The following GRB10 variants were observed in gnomAD, a reference collection of about 807,000 sequenced individuals.
The protein encoded by GRB10 is growth factor receptor bound protein 10.
In GRB10, 20 loss-of-function variants were observed where a neutral mutation model predicts 80.9. The observed-to-expected ratio is 0.25, with a 90% CI of 0.17 to 0.36. The LOEUF is 0.36. Among genes scored for constraint, GRB10 ranks in the 10% least tolerant of loss-of-function variants. GRB10 has a pLI of 1.00. For synonymous variants in GRB10, 291 were observed against 291.5 expected (o/e 1.00, Z 0.02); for missense variants, 548 against 747.7 (o/e 0.73, Z 3.12).
intron 13 of GRB10, among the ~76,000 whole-genome samples, chr7:50,607,550 T>C (rs1460400942): frequency 6.6e-6 from 1 of 152,250 alleles, no homozygotes; most frequent in Non-Finnish European, 1.5e-5. Flanking sequence ...GCTCAATATG[T>C]CTAAGACACT....
At position 50,607,457 on chromosome 7, in the gene GRB10, G is replaced by A. The variant is rs62447513; in HGVS notation, c.1195-1043C>T. Among the ~76,000 whole-genome samples, 478 of 152,342 alleles carry A rather than the reference G, an allele frequency of 3.1e-3. 3 individuals carry two copies. The highest frequency in any genetic ancestry group is 5.6e-3 in the Non-Finnish European group (378 of 68,028). Reference sequence around the variant, plus strand: ...GCTACTGTGGCCCCTCAGGAGGGAAGAGCTGACTGGTTTTGGAATAAGCGG... The same window carrying A: ...GCTACTGTGGCCCCTCAGGAGGGAAAAGCTGACTGGTTTTGGAATAAGCGG... On this transcript the variant is annotated intron_variant, in intron 13 of 18. Coordinates refer to ENST00000401949, the MANE Select transcript of GRB10 (RefSeq NM_001350814.2).
At chr7:50,641,986 T>C (rs1209343448) in intron 7 of GRB10, among the ~76,000 whole-genome samples, 1 of 151,780 alleles carries the variant, frequency 6.6e-6, no homozygotes, top group Non-Finnish European at 1.5e-5. Context: ...GAACACGGGG[T>C]GGGGAGAAGG....
At chr7:50,606,636 A>T in intron 13 of GRB10, 1 of 571,062 alleles carries the variant, frequency 1.8e-6, no homozygotes, top group South Asian at 2.0e-5. Flanking sequence ...TGACTCCCCC[A>T]AAACTTACCT....
intron 5 of GRB10, among the ~76,000 whole-genome samples, chr7:50,675,701 T>C (rs2060852830): frequency 6.6e-6 from 1 of 152,162 alleles, no homozygotes; most frequent in South Asian, 2.1e-4. Context: ...CTCCACAGTG[T>C]CATGAGCCAA....
intron 4 of GRB10, among the ~76,000 whole-genome samples, chr7:50,714,186 AAT>A (rs1251869733): frequency 3.9e-5 from 6 of 152,234 alleles, no homozygotes; most frequent in Non-Finnish European, 8.8e-5. Flanking sequence ...AATTTGTTAG[AAT>A]AGTCAACATG....
At chr7:50,659,243 A>T (rs1438135910) in intron 7 of GRB10, among the ~76,000 whole-genome samples, 7 of 152,202 alleles carry the variant, frequency 4.6e-5, no homozygotes, top group African/African-American at 1.7e-4. Flanking sequence ...CAAATTTCCC[A>T]AACTTACTGA....
At chr7:50,651,850 T>C (rs7806107) in intron 7 of GRB10, among the ~76,000 whole-genome samples, 13,240 of 152,248 alleles carry the variant, frequency 0.087, 1,997 homozygotes, top group African/African-American at 0.3. Flanking sequence ...AGCCACTCTT[T>C]TGAAGAAGGT....
chr7:50,619,239 G>A lies in GRB10; in HGVS notation c.708C>T (p.Thr236=), dbSNP rs2051205574. 6.2e-7 allele frequency: 1 copy of A among 1,613,542 alleles called. No homozygotes were observed. Among genetic ancestry groups the A allele is most frequent in the Non-Finnish European group, 8.5e-7 (1 of 1,179,754 alleles). ...DHELVVQVES[T]MASESKFLFR... The stretch of plus-strand genomic sequence containing the variant: ...ATAGAAATTTACTCTCACTGGCCAT[G>A]GTACTCTCCACCTGGACCACCAGCT... The change falls in exon 9 of 19, where the codon ACC becomes ACT. Residue 236 remains threonine, a synonymous_variant. Coordinates refer to ENST00000401949, the MANE Select transcript of GRB10 (RefSeq NM_001350814.2).
intron 5 of GRB10, among the ~76,000 whole-genome samples, chr7:50,691,330 C>T (rs2062787421): frequency 6.6e-6 from 1 of 152,132 alleles, no homozygotes. Context: ...GAGGCCAGAG[C>T]CCACCAGTCT....
chr7:50,593,530 C>T (rs2046095379), intron 18 of GRB10, among the ~76,000 whole-genome samples: 1 of 152,120 alleles, frequency 6.6e-6, no homozygotes, highest in Admixed American at 6.5e-5. Context: ...CAGGGGTTTA[C>T]TCTGCTCCAT....
intron 4 of GRB10, chr7:50,705,330 A>G: frequency 1.0e-6 from 1 of 980,440 alleles, no homozygotes. Context: ...ATATCTGGAG[A>G]AAACAAAATA....
intron 4 of GRB10, among the ~76,000 whole-genome samples, chr7:50,731,855 G>T (rs1331981381): frequency 6.6e-6 from 1 of 152,128 alleles, no homozygotes; most frequent in Non-Finnish European, 1.5e-5. Context: ...TCCCTCACGC[G>T]TGAGCACATG....
intron 13 of GRB10, among the ~76,000 whole-genome samples, chr7:50,611,930 A>G (rs1313126778): frequency 6.6e-6 from 1 of 152,206 alleles, no homozygotes; most frequent in Non-Finnish European, 1.5e-5. Flanking sequence ...CAGCTAACTT[A>G]CAACTCACAA....
In GRB10 at chr7:50,590,481, C is replaced by T. The variant is rs2045724780; in HGVS notation, c.*2471G>A. 2 of 152,480 alleles carry T rather than the reference C, an allele frequency of 1.3e-5. No homozygotes were observed. The highest frequency in any genetic ancestry group is 4.8e-5 in the African/African-American group (2 of 41,448). The allele number at this position is 152,480 out of a possible 1,614,324, so 9.4% of individuals were successfully genotyped here. On this transcript the variant is annotated 3_prime_UTR_variant, in exon 19 of 19. Coordinates refer to ENST00000401949, the MANE Select transcript of GRB10 (RefSeq NM_001350814.2). ...TAACACCTAGTGTAACAGAGCTTAC[C>T]TATTAAACTCTAATAACCAAAGCAT...
chr7:50,654,732 C>T (rs745467844), intron 7 of GRB10, among the ~76,000 whole-genome samples: 12 of 152,154 alleles, frequency 7.9e-5, no homozygotes, highest in Non-Finnish European at 1.5e-4. Flanking sequence ...TCACCCCATT[C>T]GCTTTATCAA....
chr7:50,709,476 C>G (rs886999781), intron 4 of GRB10, among the ~76,000 whole-genome samples: 1 of 152,164 alleles, frequency 6.6e-6, no homozygotes, highest in Non-Finnish European at 1.5e-5. Context: ...ACAAATGCCC[C>G]CTGGCCTCAC....
intron 5 of GRB10, among the ~76,000 whole-genome samples, chr7:50,681,583 A>C (rs1469444466): frequency 2.0e-5 from 3 of 152,280 alleles, no homozygotes; most frequent in Non-Finnish European, 4.4e-5. Context: ...CTTACAACGC[A>C]ACAACCAGGA....
chr7:50,631,283 T>C (rs2053952341), intron 7 of GRB10, among the ~76,000 whole-genome samples: 1 of 152,012 alleles, frequency 6.6e-6, no homozygotes, highest in African/African-American at 2.4e-5. Context: ...AAATAGCAAA[T>C]GGGGCACTCT....
chr7:50,634,093 T>G (rs2054503354), intron 7 of GRB10, among the ~76,000 whole-genome samples: 1 of 152,180 alleles, frequency 6.6e-6, no homozygotes, highest in African/African-American at 2.4e-5. Flanking sequence ...GTCATCAGAT[T>G]AATTCAAGGT....
Sources: allele counts gnomAD v4.1 joint callset (sites outside exome capture counted in the v4.1 genomes callset), GRCh38; gene constraint gnomAD v4.1.1; transcripts MANE v1.5; gene names NCBI Gene and HGNC (gene_info 2026-07-23, HGNC 2026-07-21).